Variants in R3HDM2 observed in about 807,000 individuals in gnomAD.
R3HDM2 encodes R3H domain containing 2.
R3HDM2 carries 38 observed loss-of-function variants against 124.5 expected under a neutral mutation model. That is an observed-to-expected ratio of 0.31 (90% CI 0.24 to 0.40). The LOEUF (loss-of-function observed/expected upper bound fraction) is 0.40. R3HDM2 is among the 10% of genes least tolerant of loss of function. R3HDM2 has a pLI of 1.00. For missense variants in R3HDM2, 869 were observed against 1,236.9 expected (o/e 0.70, Z 4.46); for synonymous variants, 391 against 448.0 (o/e 0.87, Z 1.61).
intron 10 of R3HDM2, among the ~76,000 whole-genome samples, 191 bp from the exon 11 acceptor site, chr12:57,292,858 T>C (rs891499436): frequency 2.0e-5 from 3 of 152,154 alleles, no homozygotes; most frequent in African/African-American, 7.2e-5. Flanking sequence ...GAGATCAGGT[T>C]TTCTGGATGG....
At chr12:57,281,192 C>T (rs1399370187) in intron 13 of R3HDM2, among the ~76,000 whole-genome samples, 1 of 148,812 alleles carries the variant, frequency 6.7e-6, no homozygotes, top group African/African-American at 2.5e-5. Context: ...GAGGCTGAGA[C>T]AGGAGAATCG....
In R3HDM2 at chr12:57,272,441, T is replaced by A. The variant is rs1356979536; in HGVS notation, c.1345-2447A>T. ...ACATGAACAAGACAAAAAGGGGGAA[T>A]GGAGTTTATACCATGTTGTACTGCT... On this transcript the variant is annotated intron_variant, in intron 14 of 23. Coordinates refer to ENST00000402412, the MANE Select transcript of R3HDM2 (RefSeq NM_001394031.1). 1.9e-6 allele frequency: 3 copies of A among 1,541,792 alleles called. No individual in the cohort carries two copies. In the Admixed American group the frequency reaches 5.9e-5, roughly 30 times the overall value.
chr12:57,319,552 G>A (rs1012600166), intron 2 of R3HDM2, among the ~76,000 whole-genome samples: 2 of 152,100 alleles, frequency 1.3e-5, no homozygotes, highest in South Asian at 2.1e-4. Context: ...TTCTGTGCGA[G>A]TCATAAAGAA....
At chr12:57,334,731 A>C (rs766728841) in intron 2 of R3HDM2, among the ~76,000 whole-genome samples, 1 of 152,150 alleles carries the variant, frequency 6.6e-6, no homozygotes, top group Non-Finnish European at 1.5e-5. Context: ...ACCAGGATAT[A>C]TTGAGGAATC....
chr12:57,294,338 A>C (rs2049273451), intron 10 of R3HDM2, among the ~76,000 whole-genome samples: 1 of 152,214 alleles, frequency 6.6e-6, no homozygotes, highest in South Asian at 2.1e-4. Context: ...CCTGATCCAC[A>C]GAAAAAGGGT....
chr12:57,368,191 T>C (rs2062882066), intron 2 of R3HDM2, among the ~76,000 whole-genome samples: 1 of 152,106 alleles, frequency 6.6e-6, no homozygotes, highest in Non-Finnish European at 1.5e-5. Context: ...CTCTATCAAC[T>C]TGGATCTACT....
At chr12:57,266,862 A>C in intron 18 of R3HDM2, 31 bp from the exon 19 acceptor site, 1 of 1,467,164 alleles carries the variant, frequency 6.8e-7, no homozygotes. Flanking sequence ...GGAGTGGTGA[A>C]GCAGTAGAGG....
chr12:57,294,789 CT>C (rs1006375051), intron 10 of R3HDM2, among the ~76,000 whole-genome samples: 2 of 152,180 alleles, frequency 1.3e-5, no homozygotes, highest in Admixed American at 6.5e-5. Context: ...AGGCTGTTCC[CT>C]TCTTATTCCC....
At chr12:57,290,676 C>T (rs953136765) in intron 11 of R3HDM2, among the ~76,000 whole-genome samples, 2 of 152,154 alleles carry the variant, frequency 1.3e-5, no homozygotes, top group African/African-American at 2.4e-5. Flanking sequence ...TGCAATGGCA[C>T]GATCTTGGCT....
chr12:57,351,974 C>T (rs2060722098), intron 2 of R3HDM2, among the ~76,000 whole-genome samples: 1 of 151,998 alleles, frequency 6.6e-6, no homozygotes, highest in Non-Finnish European at 1.5e-5. Flanking sequence ...CTAAATTTAA[C>T]CAATGTGGCT....
chr12:57,330,631 C>T (rs1426293354), intron 2 of R3HDM2, among the ~76,000 whole-genome samples: 8 of 151,750 alleles, frequency 5.3e-5, no homozygotes, highest in Non-Finnish European at 8.8e-5. Context: ...AAGTGTGAGC[C>T]ACCGTGCCTG....
intron 19 of R3HDM2, among the ~76,000 whole-genome samples, chr12:57,264,929 A>G (rs781689708): frequency 1.3e-5 from 2 of 152,138 alleles, no homozygotes; most frequent in Admixed American, 6.5e-5. Context: ...GTACCACTGC[A>G]CACAGTCCCC....
At chr12:57,415,189 C>A (rs2069451507) in intron 1 of R3HDM2, 1 of 151,818 alleles carries the variant, frequency 6.6e-6, no homozygotes, top group South Asian at 2.1e-4. Flanking sequence ...TATAGTTATC[C>A]TCAAAAACAT....
intron 1 of R3HDM2, among the ~76,000 whole-genome samples, chr12:57,401,683 C>A (rs977606109): frequency 6.6e-5 from 10 of 152,168 alleles, no homozygotes; most frequent in African/African-American, 2.4e-4. Flanking sequence ...GACAGTTTCT[C>A]AATACTTAAA....
intron 2 of R3HDM2, among the ~76,000 whole-genome samples, chr12:57,349,285 CAGG>C (rs2060407373): frequency 7.1e-6 from 1 of 140,222 alleles, no homozygotes; most frequent in Admixed American, 7.9e-5. Context: ...GAGGCTGAGG[CAGG>C]AGAATGGCGT....
At chr12:57,307,470 G>A (rs749836052) in intron 3 of R3HDM2, among the ~76,000 whole-genome samples, 2 of 151,148 alleles carry the variant, frequency 1.3e-5, no homozygotes, top group Non-Finnish European at 2.9e-5. Flanking sequence ...ACAAGCATGC[G>A]CCACCAGGCC....
At chr12:57,288,469 A>C (rs2138240421) in intron 12 of R3HDM2, among the ~76,000 whole-genome samples, 1 of 152,142 alleles carries the variant, frequency 6.6e-6, no homozygotes, top group South Asian at 2.1e-4. Flanking sequence ...GGTCAGGAAT[A>C]ATGTCTACAC....
intron 2 of R3HDM2, among the ~76,000 whole-genome samples, chr12:57,320,051 G>A (rs927755056): frequency 6.6e-6 from 1 of 151,918 alleles, no homozygotes; most frequent in African/African-American, 2.4e-5. Context: ...CTGAGGTCAG[G>A]AGTTTGAGAT....
At chr12:57,358,618 T>C (rs1251546998) in intron 2 of R3HDM2, among the ~76,000 whole-genome samples, 1 of 149,162 alleles carries the variant, frequency 6.7e-6, no homozygotes, top group African/African-American at 2.5e-5. Context: ...CACTCCAGCC[T>C]GGGTGACAGA....
Sources: gnomAD v4.1 joint callset for allele counts (sites outside exome capture counted in the v4.1 genomes callset) on GRCh38, gnomAD v4.1.1 for gene constraint, MANE v1.5 for transcripts, NCBI Gene and HGNC (gene_info 2026-07-23, HGNC 2026-07-21) for gene names.